TPD52: variants seen among roughly 807,000 people sequenced by gnomAD.
TPD52 encodes the protein prostate and colon associated protein.
In TPD52, 17 loss-of-function variants were observed where a neutral mutation model predicts 31.3. That is an observed-to-expected ratio of 0.54 (90% CI 0.37 to 0.82). The LOEUF (loss-of-function observed/expected upper bound fraction) is 0.82. TPD52 is among the 40% of genes least tolerant of loss of function. TPD52 has a pLI of 0.00. For missense variants in TPD52, 212 were observed against 240.1 expected, an observed-to-expected ratio of 0.88 and a Z score of 0.77; for synonymous variants, 83 against 89.6, an observed-to-expected ratio of 0.93 and a Z score of 0.42.
chr8:80,154,733 A>G lies in TPD52; in HGVS notation c.19+16692T>C, dbSNP rs1394703420. Among the ~76,000 whole-genome samples, 565 of 149,792 alleles carry G rather than the reference A, an allele frequency of 3.8e-3. 3 individuals are homozygous for G. The highest frequency in any genetic ancestry group is 4.9e-3 in the African/African-American group (201 of 40,940). ...CACACACACACACACACACACACAC[A>G]CACACACACACACACACACAAAACA... On this transcript the variant is annotated intron_variant, in intron 1 of 7. Transcript: ENST00000518937.
intron 1 of TPD52, among the ~76,000 whole-genome samples, chr8:80,131,755 C>T (rs73691201): frequency 0.17 from 25,160 of 151,984 alleles, 3,348 homozygotes; most frequent in African/African-American, 0.37. Context: ...CAGCCACACA[C>T]CCCTTTACAG....
intron 1 of TPD52, among the ~76,000 whole-genome samples, chr8:80,079,604 G>T (rs1814999206): frequency 6.6e-6 from 1 of 151,962 alleles, no homozygotes; most frequent in African/African-American, 2.4e-5. Flanking sequence ...TTGCTTATTT[G>T]GCAAATTACA....
At chr8:80,092,874 T>G (rs1586282813) in intron 1 of TPD52, among the ~76,000 whole-genome samples, 7 of 145,060 alleles carry the variant, frequency 4.8e-5, no homozygotes, top group East Asian at 4.1e-4. Context: ...TGAGCAGGGG[T>G]GGGGGTAGGA....
chr8:80,121,509 G>C (rs776818035), intron 1 of TPD52, among the ~76,000 whole-genome samples: 26 of 152,140 alleles, frequency 1.7e-4, no homozygotes, highest in Admixed American at 1.7e-3. Flanking sequence ...CATGAATACC[G>C]TACAGCAAAC....
At chr8:80,040,757 C>T (rs78238322) in intron 7 of TPD52, among the ~76,000 whole-genome samples, 2,663 of 152,266 alleles carry the variant, frequency 0.017, 78 homozygotes, top group African/African-American at 0.058. Flanking sequence ...TTTTAGTAAT[C>T]CTTGACTTCC....
At chr8:80,032,384 T>G (rs1169097233), downstream of TPD52, among the ~76,000 whole-genome samples, 2 of 152,120 alleles carry the variant, frequency 1.3e-5, no homozygotes, top group African/African-American at 4.8e-5. Flanking sequence ...AGGATTCTGA[T>G]CCTGCTGTAA....
At chr8:80,073,833 T>C (rs1272862085) in intron 1 of TPD52, among the ~76,000 whole-genome samples, 1 of 152,220 alleles carries the variant, frequency 6.6e-6, no homozygotes, top group Non-Finnish European at 1.5e-5. Flanking sequence ...TTCCATCTCA[T>C]ACATAATCTG....
intron 1 of TPD52, among the ~76,000 whole-genome samples, chr8:80,094,526 C>G (rs1291014102): frequency 5.4e-5 from 7 of 128,646 alleles, no homozygotes; most frequent in Non-Finnish European, 1.1e-4. Flanking sequence ...AGATTGTTGC[C>G]AATAGCCACT....
chr8:80,067,049 G>A (rs1031929453), intron 1 of TPD52: 5 of 152,124 alleles, frequency 3.3e-5, no homozygotes, highest in Admixed American at 2.6e-4. Flanking sequence ...ACACTGTTTT[G>A]CAAATCTACT....
intron 1 of TPD52, 145 bp from the exon 2 acceptor site, chr8:80,064,738 TC>T (rs1812935449): frequency 1.4e-6 from 1 of 713,360 alleles, no homozygotes; most frequent in African/African-American, 1.8e-5. Context: ...CCTGGCTTTC[TC>T]AGCAAAGGAC....
chr8:80,068,641 G>A (rs1380897805), intron 1 of TPD52, among the ~76,000 whole-genome samples: 1 of 152,184 alleles, frequency 6.6e-6, no homozygotes, highest in Admixed American at 6.5e-5. Context: ...GGAGTGACAA[G>A]TCTAGACTTG....
intron 1 of TPD52, among the ~76,000 whole-genome samples, chr8:80,141,609 G>C (rs1212115272): frequency 6.6e-6 from 1 of 152,142 alleles, no homozygotes; most frequent in Non-Finnish European, 1.5e-5. Context: ...CTGACCTGCA[G>C]AAACTGTGAG....
At chr8:80,044,141 C>T (rs1171735918) in intron 6 of TPD52, 26 bp downstream of exon 6, 14 of 1,571,408 alleles carry the variant, frequency 8.9e-6, no homozygotes, top group Non-Finnish European at 1.2e-5. Flanking sequence ...ATAAGACCAA[C>T]TACATTTCAT....
In TPD52 at chr8:80,105,554, C is replaced by T. The variant is rs995635438; in HGVS notation, c.20-40961G>A. 2.6e-5 allele frequency among the ~76,000 whole-genome samples: 4 copies of T among 151,994 alleles called. No homozygotes were observed. The East Asian group carries it at 5.8e-4, about 22-fold the overall frequency. On this transcript the variant is annotated intron_variant, in intron 1 of 7. Coordinates refer to ENST00000518937, the MANE Select transcript of TPD52 (RefSeq NM_001025253.3). Reference sequence around the variant, plus strand: ...ACAGGAATTGCTCACTTGGGGAGCTCGGTTTTTGAGCCATGAGTCTTGCTG... The same window carrying T: ...ACAGGAATTGCTCACTTGGGGAGCTTGGTTTTTGAGCCATGAGTCTTGCTG...
At chr8:80,103,217 A>G (rs1439694797) in intron 1 of TPD52, among the ~76,000 whole-genome samples, 2 of 152,230 alleles carry the variant, frequency 1.3e-5, no homozygotes, top group Non-Finnish European at 2.9e-5. Flanking sequence ...ATTCTGATTG[A>G]GTCTGACTGA....
intron 1 of TPD52, among the ~76,000 whole-genome samples, chr8:80,137,380 A>G (rs1308563962): frequency 1.3e-5 from 2 of 151,374 alleles, no homozygotes; most frequent in African/African-American, 2.4e-5. Context: ...TTATATATCA[A>G]TAAAGCTTTT....
intron 2 of TPD52, 50 bp from the exon 3 acceptor site, chr8:80,053,480 GTTAAGA>G (rs1811572188): frequency 6.3e-7 from 1 of 1,577,922 alleles, no homozygotes; most frequent in African/African-American, 1.4e-5. Context: ...CATTCAGTAA[GTTAAGA>G]TTATTACCAC....
intron 1 of TPD52, among the ~76,000 whole-genome samples, chr8:80,152,746 A>C (rs1810664389): frequency 8.0e-6 from 1 of 124,260 alleles, no homozygotes. Context: ...GCGCCACTTC[A>C]CTCCAGCCTG....
chr8:80,075,130 C>G (rs1586235972), intron 1 of TPD52, among the ~76,000 whole-genome samples: 1 of 152,234 alleles, frequency 6.6e-6, no homozygotes, highest in East Asian at 1.9e-4. Flanking sequence ...CAGGCGCCCA[C>G]CACCATACCT....
Sources: gnomAD v4.1 joint callset for allele counts (sites outside exome capture counted in the v4.1 genomes callset) on GRCh38, gnomAD v4.1.1 for gene constraint, MANE v1.5 for transcripts, NCBI Gene and HGNC (gene_info 2026-07-23, HGNC 2026-07-21) for gene names.